Variants in RPF2 observed in about 807,000 individuals in gnomAD.
The protein encoded by RPF2 is brix domain containing 1.
Under a neutral mutation model 38.9 loss-of-function variants are expected in RPF2, and 21 were observed. That is an observed-to-expected ratio of 0.54 (90% confidence interval 0.38 to 0.78). RPF2 has a LOEUF of 0.78. RPF2 is among the 30% of genes least tolerant of loss of function. The pLI, the probability that RPF2 is intolerant of heterozygous loss-of-function variation, is 0.00. For missense variants in RPF2, 314 were observed against 358.1 expected (o/e 0.88, Z 0.99); for synonymous variants, 121 against 126.2 (o/e 0.96, Z 0.28).
chr6:110,992,306 G>A (rs910932757), intron 4 of RPF2, among the ~76,000 whole-genome samples: 34 of 151,404 alleles, frequency 2.2e-4, no homozygotes, highest in African/African-American at 7.0e-4. Context: ...GTGAAACTCC[G>A]GCTCAAAAAA....
In RPF2 at chr6:111,012,543, G is replaced by A. The variant is rs1053343754; in HGVS notation, c.494-3211G>A. ...TTGGAGTAGAGGAATTTTTAATTCTGATTTTCATTATACAATTGAGAAAAC... is the reference window on the plus strand; with the variant it reads ...TTGGAGTAGAGGAATTTTTAATTCTAATTTTCATTATACAATTGAGAAAAC... On this transcript the variant is annotated intron_variant, in intron 7 of 9. Transcript: ENST00000441448. Among the ~76,000 whole-genome samples the A allele has an allele frequency of 2.6e-5, 4 of 152,230 alleles. 1 individual carries two copies. The South Asian group carries it at 6.2e-4, about 24-fold the overall frequency.
chr6:110,988,898 C>A, intron 2 of RPF2, 130 bp from the exon 3 acceptor site: 1 of 1,150,948 alleles, frequency 8.7e-7, no homozygotes, highest in Non-Finnish European at 1.2e-6. Context: ...AAAAGGGAGC[C>A]AGGCAGAAGC....
chr6:110,991,608 A>G (rs1771621756), intron 3 of RPF2, 139 bp from the exon 4 acceptor site: 1 of 351,932 alleles, frequency 2.8e-6, no homozygotes, highest in Non-Finnish European at 5.3e-6. Flanking sequence ...AGCCTGGCAT[A>G]TAACAGGCAC....
At chr6:111,025,319 A>T in intron 9 of RPF2, 84 bp from the exon 10 acceptor site, 1 of 880,842 alleles carries the variant, frequency 1.1e-6, no homozygotes, top group Non-Finnish European at 1.8e-6. Context: ...GGAAATTGCT[A>T]CTAAGATAGT....
At position 110,997,918 on chromosome 6, in the gene RPF2, G is replaced by A. The variant is rs1332548298; in HGVS notation, c.316+654G>A. Among the ~76,000 whole-genome samples, 9 of 141,708 alleles carry A rather than the reference G, an allele frequency of 6.4e-5. No individual in the cohort carries two copies. The Admixed American group carries it at 6.5e-4, about 10-fold the overall frequency. 93.0% of individuals were successfully genotyped at this position (141,708 alleles called of 152,430 possible). The stretch of plus-strand genomic sequence containing the variant: ...TTTCTTCTTTTTTTTTTTTTTTCCT[G>A]AGACGGAGTCTTGGTCTGCTCCATC... On this transcript the variant is annotated intron_variant, in intron 5 of 9. Coordinates refer to ENST00000441448, the MANE Select transcript of RPF2 (RefSeq NM_032194.3).
chr6:111,017,698 G>A (rs1487518308), intron 8 of RPF2, among the ~76,000 whole-genome samples: 38 of 146,084 alleles, frequency 2.6e-4, no homozygotes, highest in African/African-American at 9.5e-4. Flanking sequence ...ACGGGATGGC[G>A]GCCGGGAAGA....
chr6:110,989,088 G>A, intron 3 of RPF2, 23 bp downstream of exon 3: 1 of 1,514,456 alleles, frequency 6.6e-7, no homozygotes, highest in Non-Finnish European at 8.8e-7. Context: ...TTCTTTTACT[G>A]TATTTTAAAT....
At chr6:111,023,412 T>C (rs1583277351) in intron 8 of RPF2, among the ~76,000 whole-genome samples, 1 of 152,246 alleles carries the variant, frequency 6.6e-6, no homozygotes, top group Admixed American at 6.5e-5. Flanking sequence ...CAGTCTTAGA[T>C]AAGAACTTGT....
Position 110,997,736 on chromosome 6 carries a change from A to G in RPF2, c.316+472A>G, listed in dbSNP as rs139818400. On this transcript the variant is annotated intron_variant, in intron 5 of 9. Coordinates refer to ENST00000441448, the MANE Select transcript of RPF2 (RefSeq NM_032194.3). ...GTCTCAAGGAAAAAAAAAGTTATAG[A>G]GCAGGAACAAAGGAAGTAAAAGGAA... Among the ~76,000 whole-genome samples, 502 of 152,134 alleles carry G rather than the reference A, an allele frequency of 3.3e-3. 2 individuals carry two copies. Among genetic ancestry groups the G allele is most frequent in the Non-Finnish European group, 4.7e-3 (322 of 67,998 alleles).
In RPF2 at chr6:110,991,783, A is replaced by T; in HGVS notation, c.231A>T (p.Ser77=). The change falls in exon 4 of 10, where the codon TCA becomes TCT. Residue 77 remains serine, a synonymous_variant. Transcript: ENST00000441448. ...CAAGACCTTTTGAGGATCAGACATC[A>T]CTGGTAAGTATAATAATCTTTATGA... The part of the protein sequence containing the change: ...NITRPFEDQT[S]LEFFSKKSDC... The T allele has an allele frequency of 8.4e-7, 1 of 1,193,832 alleles. No homozygotes were observed. The highest frequency in any genetic ancestry group is 1.2e-6 in the Non-Finnish European group (1 of 850,386). The allele number at this position is 1,193,832 out of a possible 1,614,324, so 74.0% of individuals were successfully genotyped here.
intron 8 of RPF2, among the ~76,000 whole-genome samples, chr6:111,016,690 T>TC (rs1270607134): frequency 5.4e-5 from 8 of 149,040 alleles, no homozygotes; most frequent in Admixed American, 2.0e-4. Context: ...TTTCTTTCTT[T>TC]TTTTTTTTTT....
chr6:111,020,198 A>G (rs1772207006), intron 8 of RPF2, among the ~76,000 whole-genome samples: 1 of 151,938 alleles, frequency 6.6e-6, no homozygotes, highest in African/African-American at 2.4e-5. Context: ...GATTACAGGC[A>G]TGAGCCACCG....
intron 5 of RPF2, among the ~76,000 whole-genome samples, chr6:110,998,521 T>G (rs970928522): frequency 2.6e-5 from 4 of 152,166 alleles, no homozygotes; most frequent in Non-Finnish European, 5.9e-5. Flanking sequence ...ATCTAAAAAT[T>G]TTTTATTCAA....
At chr6:111,020,076 G>A (rs1455221169) in intron 8 of RPF2, among the ~76,000 whole-genome samples, 5 of 151,784 alleles carry the variant, frequency 3.3e-5, no homozygotes, top group African/African-American at 4.8e-5. Flanking sequence ...CACCACGCCC[G>A]GCTAATTTTA....
Position 110,989,179 on chromosome 6 carries a change from T to G in RPF2, c.194+114T>G, listed in dbSNP as rs554346627. ...TTTTTAAAAAGATATTAAAATTCCT[T>G]ACAGTTATTAATATTTTAATTTCTT... On this transcript the variant is annotated intron_variant, in intron 3 of 9. Transcript: ENST00000441448. 8 of 1,062,898 alleles carry G rather than the reference T, an allele frequency of 7.5e-6. No homozygotes were observed. The Admixed American group carries it at 1.6e-4, about 22-fold the overall frequency. 65.8% of individuals were successfully genotyped at this position (1,062,898 alleles called of 1,614,324 possible).
chr6:111,011,152 A>G (rs778377969), intron 7 of RPF2, among the ~76,000 whole-genome samples: 3 of 152,172 alleles, frequency 2.0e-5, no homozygotes, highest in African/African-American at 4.8e-5. Flanking sequence ...ACATATTCCC[A>G]TGATCCCTTC....
At chr6:110,983,801 GGGT>G (rs373646771) in intron 1 of RPF2, among the ~76,000 whole-genome samples, 29,264 of 150,340 alleles carry the variant, frequency 0.19, 2,906 homozygotes, top group East Asian at 0.29. Flanking sequence ...TGAGGCGGGG[GGGT>G]GGGTCACGAG....
chr6:110,984,192 C>A (rs938899771), intron 1 of RPF2, among the ~76,000 whole-genome samples: 5 of 152,116 alleles, frequency 3.3e-5, no homozygotes, highest in Non-Finnish European at 1.5e-5. Flanking sequence ...ACAGTGTATA[C>A]TTCCTGGCAG....
intron 8 of RPF2, among the ~76,000 whole-genome samples, chr6:111,018,214 G>GGAGGGA (rs531514968): frequency 0.036 from 5,193 of 145,226 alleles, 102 homozygotes; most frequent in Middle Eastern, 0.078. Context: ...AGGGGGAGGG[G>GGAGGGA]GAGGGAGAGG....
Sources: allele counts gnomAD v4.1 joint callset (sites outside exome capture counted in the v4.1 genomes callset), GRCh38; gene constraint gnomAD v4.1.1; transcripts MANE v1.5; gene names NCBI Gene and HGNC (gene_info 2026-07-23, HGNC 2026-07-21).